GRID2: variants seen among roughly 807,000 people sequenced by gnomAD.
GRID2 encodes glutamate receptor ionotropic, delta-2.
In GRID2, 33 loss-of-function variants were observed where a neutral mutation model predicts 114.8. That is an observed-to-expected ratio of 0.29 (90% confidence interval 0.22 to 0.38). The LOEUF (loss-of-function observed/expected upper bound fraction) is 0.38. Among genes scored for constraint, GRID2 ranks in the 10% least tolerant of loss-of-function variants. The pLI is 1.00. For missense variants in GRID2, 1,184 were observed against 1,257.7 expected (o/e 0.94, Z 0.89); for synonymous variants, 505 against 449.9 (o/e 1.12, Z -1.55).
At chr4:92,962,550 C>G (rs2149157748) in intron 2 of GRID2, among the ~76,000 whole-genome samples, 1 of 152,018 alleles carries the variant, frequency 6.6e-6, no homozygotes, top group East Asian at 1.9e-4. Flanking sequence ...GAATTAACCC[C>G]CAGTAGGTTA....
At chr4:92,413,158 A>G (rs1052821377) in intron 1 of GRID2, among the ~76,000 whole-genome samples, 2 of 152,186 alleles carry the variant, frequency 1.3e-5, no homozygotes. Flanking sequence ...AATATTACCC[A>G]TTAAACAATT....
chr4:93,475,355 G>A (rs1193120293), intron 11 of GRID2, among the ~76,000 whole-genome samples: 1 of 152,074 alleles, frequency 6.6e-6, no homozygotes, highest in Non-Finnish European at 1.5e-5. Flanking sequence ...TCAAAATTAG[G>A]AAAGCTGATA....
chr4:93,707,397 A>G (rs1251298177), intron 14 of GRID2, among the ~76,000 whole-genome samples: 1 of 152,086 alleles, frequency 6.6e-6, no homozygotes, highest in Admixed American at 6.5e-5. Flanking sequence ...TGATCTATTC[A>G]GGTTTTGAAT....
intron 11 of GRID2, among the ~76,000 whole-genome samples, chr4:93,484,079 AT>A (rs1022026900): frequency 1.8e-4 from 27 of 151,762 alleles, no homozygotes; most frequent in African/African-American, 6.5e-4. Flanking sequence ...TAAATTCACT[AT>A]TCTCTCTCCT....
chr4:92,875,981 G>A (rs1213584651), intron 2 of GRID2, among the ~76,000 whole-genome samples: 2 of 152,122 alleles, frequency 1.3e-5, no homozygotes, highest in African/African-American at 4.8e-5. Flanking sequence ...CGCCTTTACT[G>A]GGGCCTGGAA....
intron 2 of GRID2, among the ~76,000 whole-genome samples, chr4:92,932,033 C>A (rs1346080690): frequency 2.0e-5 from 3 of 151,012 alleles, no homozygotes; most frequent in African/African-American, 7.3e-5. Flanking sequence ...TGGAAGTAGG[C>A]AACGATTTCA....
At chr4:92,744,608 T>A (rs13135521) in intron 2 of GRID2, among the ~76,000 whole-genome samples, 31,153 of 152,060 alleles carry the variant, frequency 0.2, 4,204 homozygotes, top group Non-Finnish European at 0.3. Context: ...ACATTATGTC[T>A]TTCCCAATGA....
chr4:93,323,691 C>A lies in GRID2; in HGVS notation c.1246-71916C>A, dbSNP rs1262837932. 5.3e-5 allele frequency among the ~76,000 whole-genome samples: 8 copies of A among 152,148 alleles called. No individual in the cohort carries two copies. In the South Asian group the frequency reaches 1.2e-3, roughly 24 times the overall value. On this transcript the variant is annotated intron_variant, in intron 8 of 15. Transcript: ENST00000282020. ...TTCGTGTCCATGAGCATGGAATGTT[C>A]TTCCATTTGTTTGTGTCCTCTTTCA...
At chr4:93,669,450 T>C (rs1235805995) in intron 14 of GRID2, among the ~76,000 whole-genome samples, 1 of 151,888 alleles carries the variant, frequency 6.6e-6, no homozygotes, top group Non-Finnish European at 1.5e-5. Flanking sequence ...AATGATATGC[T>C]ACCAGACTTA....
intron 2 of GRID2, among the ~76,000 whole-genome samples, chr4:92,913,905 T>C (rs1307753393): frequency 6.6e-6 from 1 of 152,048 alleles, no homozygotes; most frequent in Non-Finnish European, 1.5e-5. Context: ...TAGAAGTGGA[T>C]AGTACGTTCT....
intron 1 of GRID2, among the ~76,000 whole-genome samples, chr4:92,464,133 C>T (rs916920189): frequency 2.0e-5 from 3 of 151,864 alleles, no homozygotes; most frequent in Admixed American, 2.0e-4. Flanking sequence ...CCTTCCTATT[C>T]TATCATGTAT....
chr4:93,788,230 A>G (rs1292707292), intron 1 of GRID2, among the ~76,000 whole-genome samples: 1 of 152,014 alleles, frequency 6.6e-6, no homozygotes. Context: ...AGACAGGAGA[A>G]TAGCTTGAAC....
At chr4:93,033,570 G>A (rs1268399012) in intron 2 of GRID2, among the ~76,000 whole-genome samples, 1 of 152,092 alleles carries the variant, frequency 6.6e-6, no homozygotes, top group Non-Finnish European at 1.5e-5. Context: ...AGGAGGTCTA[G>A]CTATATTAAC....
chr4:93,241,572 C>G (rs1383874932), intron 8 of GRID2, among the ~76,000 whole-genome samples: 1 of 151,612 alleles, frequency 6.6e-6, no homozygotes, highest in Non-Finnish European at 1.5e-5. Flanking sequence ...TTGCTACCAC[C>G]TTGCATAAGG....
chr4:93,631,562 TG>T (rs1720886592), intron 14 of GRID2, among the ~76,000 whole-genome samples: 2 of 152,250 alleles, frequency 1.3e-5, no homozygotes, highest in Admixed American at 6.5e-5. Flanking sequence ...TTTTTATGGC[TG>T]CATAGTATTC....
intron 2 of GRID2, among the ~76,000 whole-genome samples, chr4:92,750,437 A>T (rs1456628736): frequency 2.0e-5 from 3 of 152,162 alleles, no homozygotes; most frequent in Non-Finnish European, 2.9e-5. Context: ...TATTAGTTCA[A>T]TTCAAAATAA....
chr4:92,491,955 G>T (rs139764355), intron 1 of GRID2, among the ~76,000 whole-genome samples: 1 of 152,204 alleles, frequency 6.6e-6, no homozygotes, highest in Admixed American at 6.5e-5. Context: ...CCTAAATTTT[G>T]CACAGGATAC....
chr4:93,473,828 C>T (rs1725065852), intron 11 of GRID2, among the ~76,000 whole-genome samples: 1 of 151,976 alleles, frequency 6.6e-6, no homozygotes, highest in Non-Finnish European at 1.5e-5. Flanking sequence ...GTAAGAGTCT[C>T]TTGTGTATTG....
At chr4:93,261,673 G>A (rs1208604765) in intron 8 of GRID2, among the ~76,000 whole-genome samples, 1 of 151,726 alleles carries the variant, frequency 6.6e-6, no homozygotes, top group Non-Finnish European at 1.5e-5. Flanking sequence ...AGTATATATT[G>A]TATTAACAGA....
Sources: allele counts gnomAD v4.1 joint callset (sites outside exome capture counted in the v4.1 genomes callset), GRCh38; gene constraint gnomAD v4.1.1; transcripts MANE v1.5; gene names NCBI Gene and HGNC (gene_info 2026-07-23, HGNC 2026-07-21).